The following ZEB2 variants were observed in gnomAD, a reference collection of about 807,000 sequenced individuals.
ZEB2 encodes the protein zinc finger E-box binding homeobox 2.
Under a neutral mutation model 99.9 loss-of-function variants are expected in ZEB2, and 6 were observed. That is an observed-to-expected ratio of 0.06 (90% CI 0.03 to 0.12). The LOEUF (loss-of-function observed/expected upper bound fraction) is 0.12. Ranked by LOEUF, ZEB2 falls within the 10% of genes least tolerant of loss-of-function variation. The pLI, the probability that ZEB2 is intolerant of heterozygous loss-of-function variation, is 1.00. For missense variants in ZEB2, 969 were observed against 1,502.8 expected, an observed-to-expected ratio of 0.64 and a Z score of 5.87; for synonymous variants, 517 against 542.5, an observed-to-expected ratio of 0.95 and a Z score of 0.65.
chr2:144,501,479 C>G (rs1704869000), intron 2 of ZEB2, among the ~76,000 whole-genome samples: 2 of 152,152 alleles, frequency 1.3e-5, no homozygotes, highest in Non-Finnish European at 2.9e-5. Flanking sequence ...TAGAACAGTT[C>G]ATTAAAAGGT....
At chr2:144,500,242 C>T (rs1391633983) in intron 2 of ZEB2, among the ~76,000 whole-genome samples, 1 of 152,134 alleles carries the variant, frequency 6.6e-6, no homozygotes, top group Non-Finnish European at 1.5e-5. Flanking sequence ...GGCAGCGCGA[C>T]CGCATTTAAT....
At chr2:144,472,759 G>C (rs1704375594) in intron 2 of ZEB2, among the ~76,000 whole-genome samples, 1 of 152,072 alleles carries the variant, frequency 6.6e-6, no homozygotes, top group Non-Finnish European at 1.5e-5. Context: ...TGTGTACCAG[G>C]AACATGTATA....
chr2:144,491,634 T>C (rs1422097501), intron 2 of ZEB2, among the ~76,000 whole-genome samples: 1 of 152,166 alleles, frequency 6.6e-6, no homozygotes, highest in Non-Finnish European at 1.5e-5. Flanking sequence ...ATATAGGAAA[T>C]GGTTCAAAAA....
chr2:144,485,349 T>A (rs1337559513), intron 2 of ZEB2, among the ~76,000 whole-genome samples: 1 of 152,224 alleles, frequency 6.6e-6, no homozygotes, highest in Non-Finnish European at 1.5e-5. Context: ...TAATTAGTAT[T>A]ATCATTTAAT....
At chr2:144,394,730 A>G (rs540155052) in intron 9 of ZEB2, among the ~76,000 whole-genome samples, 5 of 152,176 alleles carry the variant, frequency 3.3e-5, no homozygotes, top group Non-Finnish European at 2.9e-5. Context: ...AACAATGAAT[A>G]TCAGACAGCT....
At chr2:144,468,951 CTCAAT>C (rs376314666) in intron 2 of ZEB2, among the ~76,000 whole-genome samples, 149 of 152,166 alleles carry the variant, frequency 9.8e-4, no homozygotes, top group African/African-American at 3.4e-3. Flanking sequence ...TTGATCATCC[CTCAAT>C]TCATTCTATC....
intron 2 of ZEB2, chr2:144,513,019 T>A (rs979065373): frequency 3.1e-6 from 4 of 1,287,116 alleles, no homozygotes; most frequent in Non-Finnish European, 4.0e-6. Context: ...GGACTGACAG[T>A]GATCCGAAGG....
At position 144,404,088 on chromosome 2, in the gene ZEB2, G is replaced by T; in HGVS notation, c.635C>A (p.Thr212Asn). The part of the protein sequence containing the change: ...GTPDAFAQLL[T>N]CPYCDRGYKR... Reference sequence around the variant, plus strand: ...GTAGCCCCGGTCGCAGTAGGGGCAGGTCAGCAGTTGGGCAAAAGCATCTGG... The same window carrying T: ...GTAGCCCCGGTCGCAGTAGGGGCAGTTCAGCAGTTGGGCAAAAGCATCTGG... Residue 212 changes from threonine (T) to asparagine (N), a missense_variant, in exon 6 of 10, where the codon ACC becomes AAC. By Grantham distance (65) the Thr-to-Asn change is moderately conservative. Coordinates refer to ENST00000627532, the MANE Select transcript of ZEB2 (RefSeq NM_014795.4). 1 of 1,614,092 alleles carries T rather than the reference G, an allele frequency of 6.2e-7. No individual in the cohort carries two copies. Among genetic ancestry groups the T allele is most frequent in the Non-Finnish European group, 8.5e-7 (1 of 1,180,018 alleles).
chr2:144,416,311 G>A (rs980375112), intron 4 of ZEB2, among the ~76,000 whole-genome samples: 10 of 152,114 alleles, frequency 6.6e-5, no homozygotes, highest in East Asian at 1.9e-4. Flanking sequence ...GCTGAACTAC[G>A]ATCCAGTCCA....
At chr2:144,471,720 G>A (rs954139753) in intron 2 of ZEB2, among the ~76,000 whole-genome samples, 5 of 151,952 alleles carry the variant, frequency 3.3e-5, no homozygotes, top group Non-Finnish European at 7.4e-5. Flanking sequence ...TATTTCAAAA[G>A]AGACATCTAA....
At chr2:144,411,998 G>C (rs554024566) in intron 4 of ZEB2, among the ~76,000 whole-genome samples, 2 of 152,220 alleles carry the variant, frequency 1.3e-5, no homozygotes, top group African/African-American at 4.8e-5. Context: ...GGCCGGGCAC[G>C]GTGGCTTACG....
chr2:144,475,218 G>A (rs998586675), intron 2 of ZEB2, among the ~76,000 whole-genome samples: 2 of 152,052 alleles, frequency 1.3e-5, no homozygotes, highest in African/African-American at 4.8e-5. Flanking sequence ...TCTCACATAG[G>A]CCTGAAACTG....
intron 2 of ZEB2, chr2:144,494,400 A>C (rs1344530721): frequency 6.6e-6 from 1 of 152,150 alleles, no homozygotes; most frequent in Non-Finnish European, 1.5e-5. Flanking sequence ...CTATTAATAG[A>C]CTTCAATTGT....
At chr2:144,475,036 C>G (rs1704411647) in intron 2 of ZEB2, among the ~76,000 whole-genome samples, 1 of 152,130 alleles carries the variant, frequency 6.6e-6, no homozygotes, top group South Asian at 2.1e-4. Context: ...ACTCCAAAAG[C>G]TTTTTGTAAG....
At chr2:144,493,467 T>C (rs1158787684) in intron 2 of ZEB2, among the ~76,000 whole-genome samples, 1 of 152,214 alleles carries the variant, frequency 6.6e-6, no homozygotes, top group Admixed American at 6.5e-5. Context: ...GGAGAGTAAA[T>C]GGCAGAATCA....
chr2:144,428,628 C>G (rs977529773), intron 3 of ZEB2: 20 of 152,182 alleles, frequency 1.3e-4, no homozygotes, highest in African/African-American at 4.6e-4. Context: ...AACAAATACA[C>G]TGTACTCAAA....
intron 2 of ZEB2, chr2:144,516,223 C>CCG (rs1553971555): frequency 8.2e-5 from 7 of 85,672 alleles, no homozygotes; most frequent in African/African-American, 3.5e-4. Context: ...AGCTCCCCCA[C>CCG]CCCCCCCCGG....
chr2:144,419,434 A>G (rs1703589843), intron 4 of ZEB2, among the ~76,000 whole-genome samples: 1 of 152,226 alleles, frequency 6.6e-6, no homozygotes, highest in South Asian at 2.1e-4. Context: ...CTTTATAACT[A>G]GAGGTACTAG....
At chr2:144,450,944 C>T (rs1704047397) in intron 2 of ZEB2, among the ~76,000 whole-genome samples, 1 of 152,196 alleles carries the variant, frequency 6.6e-6, no homozygotes. Context: ...TCCCAAAGCG[C>T]TGGGATTACA....
Sources: allele counts gnomAD v4.1 joint callset (sites outside exome capture counted in the v4.1 genomes callset), GRCh38; gene constraint gnomAD v4.1.1; transcripts MANE v1.5; gene names NCBI Gene and HGNC (gene_info 2026-07-23, HGNC 2026-07-21).